Variants in ZPBP observed in about 807,000 individuals in gnomAD.
The protein encoded by ZPBP is zona pellucida binding protein, also known as zona pellucida-binding protein 1.
In ZPBP, 26 loss-of-function variants were observed where a neutral mutation model predicts 44.8. The ratio of observed to expected loss-of-function variants is 0.58; its 90% CI spans 0.43 to 0.81. ZPBP has a LOEUF of 0.81. Ranked by LOEUF, ZPBP falls within the 30% of genes least tolerant of loss-of-function variation. ZPBP has a pLI of 0.00. For synonymous variants in ZPBP, 174 were observed against 153.2 expected (o/e 1.14, Z -1.00); for missense variants, 409 against 434.0 (o/e 0.94, Z 0.51).
intron 4 of ZPBP, among the ~76,000 whole-genome samples, chr7:50,047,170 T>C (rs1242502613): frequency 6.6e-6 from 1 of 151,916 alleles, no homozygotes; most frequent in Admixed American, 6.6e-5. Flanking sequence ...AGGGGAGGGA[T>C]AGCATTAGGA....
rs1253992861 is a variant in ZPBP, at chr7:49,982,170, T to C, written c.961+1172A>G. Among the ~76,000 whole-genome samples, 2 of 3,986 alleles carry C rather than the reference T, an allele frequency of 5.0e-4. 1 individual carries two copies. The highest frequency in any genetic ancestry group is 2.7e-3 in the African/African-American group (2 of 750). 2.6% of individuals were successfully genotyped at this position (3,986 alleles called of 152,430 possible). ...AATATATAATATATAATATATATTA[T>C]ATATATATAATTTATTATTATATAT... On this transcript the variant is annotated intron_variant, in intron 7 of 7. Transcript: ENST00000046087.
chr7:49,985,402 A>T (rs1797218029), intron 6 of ZPBP, among the ~76,000 whole-genome samples: 1 of 152,166 alleles, frequency 6.6e-6, no homozygotes, highest in Non-Finnish European at 1.5e-5. Context: ...TTAAAGTTGC[A>T]GTTTCCAGAA....
In ZPBP at chr7:50,065,328, T is replaced by C. The variant is rs1801446789; in HGVS notation, c.335-7187A>G. Reference sequence around the variant, plus strand: ...AGGCCAGAGGGTGCCTTCCAAGCATTTGGAGCCTCTAGTTGATCTCAAGAG... The same window carrying C: ...AGGCCAGAGGGTGCCTTCCAAGCATCTGGAGCCTCTAGTTGATCTCAAGAG... On this transcript the variant is annotated intron_variant, in intron 3 of 7. Transcript: ENST00000046087. Among the ~76,000 whole-genome samples the C allele has an allele frequency of 2.0e-5, 3 of 150,770 alleles. 1 individual carries two copies. Among genetic ancestry groups the C allele is most frequent in the African/African-American group, 7.4e-5 (3 of 40,654 alleles).
intron 2 of ZPBP, among the ~76,000 whole-genome samples, chr7:50,082,703 A>T (rs1325900363): frequency 6.6e-6 from 1 of 151,814 alleles, no homozygotes; most frequent in African/African-American, 2.4e-5. Flanking sequence ...TATTGAATGT[A>T]CTTTTAGGTA....
intron 7 of ZPBP, among the ~76,000 whole-genome samples, chr7:49,979,486 A>G (rs190534196): frequency 1.9e-4 from 29 of 152,116 alleles, no homozygotes; most frequent in African/African-American, 7.0e-4. Flanking sequence ...TTGATCAAAT[A>G]GTGTAGTACA....
Position 49,859,969 on chromosome 7 carries a change from A to C in ZPBP, n.510-9455T>G, listed in dbSNP as rs977071955. ...ATATAAATGTGTTTACTTATGTATA[A>C]ATATATACTTATATTTATATACATA... On this transcript the variant is annotated intron_variant and non_coding_transcript_variant, in intron 2 of 2. Transcript: ENST00000465922. Among the ~76,000 whole-genome samples, 5 of 151,782 alleles carry C rather than the reference A, an allele frequency of 3.3e-5. No individual in the cohort carries two copies. The South Asian group carries it at 8.3e-4, about 25-fold the overall frequency.
intron 1 of ZPBP, among the ~76,000 whole-genome samples, chr7:50,090,950 T>C (rs985908829): frequency 6.6e-6 from 1 of 152,180 alleles, no homozygotes; most frequent in Non-Finnish European, 1.5e-5. Context: ...GTGTTCCCTT[T>C]TCACTGCATC....
intron 2 of ZPBP, among the ~76,000 whole-genome samples, chr7:49,867,467 A>G (rs990309264): frequency 2.0e-5 from 3 of 152,200 alleles, no homozygotes; most frequent in Non-Finnish European, 4.4e-5. Flanking sequence ...AAGCGAAGGA[A>G]AATGTTAAGA....
intron 6 of ZPBP, among the ~76,000 whole-genome samples, chr7:50,006,207 T>C (rs1174063681): frequency 6.6e-6 from 1 of 151,840 alleles, no homozygotes; most frequent in African/African-American, 2.4e-5. Context: ...CTTTTAGTAA[T>C]GGACAGAACA....
At chr7:49,992,653 T>G (rs1303749626) in intron 6 of ZPBP, among the ~76,000 whole-genome samples, 6 of 152,144 alleles carry the variant, frequency 3.9e-5, no homozygotes, top group African/African-American at 1.2e-4. Flanking sequence ...TTATTTTAGA[T>G]AACTTCATTG....
chr7:49,996,601 A>G (rs1380915692), intron 6 of ZPBP, among the ~76,000 whole-genome samples: 1 of 152,204 alleles, frequency 6.6e-6, no homozygotes, highest in Non-Finnish European at 1.5e-5. Flanking sequence ...GGGTCTTTTC[A>G]CAAGGGGATC....
chr7:50,017,400 C>T (rs756347302), intron 6 of ZPBP, among the ~76,000 whole-genome samples: 1 of 152,108 alleles, frequency 6.6e-6, no homozygotes, highest in Non-Finnish European at 1.5e-5. Flanking sequence ...GGACTATAAA[C>T]ACAGTGAAGC....
At chr7:49,980,179 T>A (rs1235194500) in intron 7 of ZPBP, among the ~76,000 whole-genome samples, 1 of 117,598 alleles carries the variant, frequency 8.5e-6, no homozygotes, top group Non-Finnish European at 1.6e-5. Context: ...ATTTAATTAA[T>A]AAAATTAAAT....
At chr7:50,021,352 A>G (rs74779721) in intron 5 of ZPBP, among the ~76,000 whole-genome samples, 3,688 of 152,218 alleles carry the variant, frequency 0.024, 67 homozygotes, top group Middle Eastern at 0.051. Flanking sequence ...AATCTAATAA[A>G]AATTATGGAG....
intron 3 of ZPBP, among the ~76,000 whole-genome samples, chr7:50,075,359 G>A (rs1447728389): frequency 2.6e-5 from 4 of 151,748 alleles, no homozygotes; most frequent in South Asian, 2.1e-4. Context: ...GCATCTTGCA[G>A]AACTAGAAAA....
At chr7:49,943,486 A>G (rs926299942) in intron 7 of ZPBP, 6 of 455,774 alleles carry the variant, frequency 1.3e-5, no homozygotes, top group South Asian at 1.1e-4. Flanking sequence ...TAGATAGCCA[A>G]TGAACCCAAC....
intron 7 of ZPBP, among the ~76,000 whole-genome samples, chr7:49,964,516 A>G (rs574829742): frequency 6.6e-6 from 1 of 152,182 alleles, no homozygotes; most frequent in African/African-American, 2.4e-5. Flanking sequence ...TCAATTTAAA[A>G]TAGGGTAAAA....
At chr7:50,088,431 CTTT>C (rs959023428) in intron 2 of ZPBP, among the ~76,000 whole-genome samples, 55 of 152,078 alleles carry the variant, frequency 3.6e-4, no homozygotes, top group African/African-American at 1.2e-3. Context: ...AATTAGACTT[CTTT>C]ATCAAAGTTT....
At chr7:50,051,996 A>C (rs1800723611) in intron 4 of ZPBP, among the ~76,000 whole-genome samples, 1 of 152,106 alleles carries the variant, frequency 6.6e-6, no homozygotes, top group Admixed American at 6.6e-5. Context: ...AACCTACAAA[A>C]CTTTTCAGAA....
Sources: gnomAD v4.1 joint callset for allele counts (sites outside exome capture counted in the v4.1 genomes callset) on GRCh38, gnomAD v4.1.1 for gene constraint, MANE v1.5 for transcripts, NCBI Gene and HGNC (gene_info 2026-07-23, HGNC 2026-07-21) for gene names.